Variants in LINGO2 observed in about 807,000 individuals in gnomAD.
LINGO2 encodes leucine rich repeat and Ig domain containing 2.
LINGO2 carries 14 observed loss-of-function variants against 30.6 expected under a neutral mutation model. The observed-to-expected ratio is 0.46, with a 90% CI of 0.30 to 0.72. LINGO2 has a LOEUF of 0.72. Among genes scored for constraint, LINGO2 ranks in the 30% least tolerant of loss-of-function variants. The probability of loss-of-function intolerance (pLI) is 0.07; values close to 1 mark genes in which losing one functional copy is unlikely to be tolerated. For synonymous variants in LINGO2, 317 were observed against 288.5 expected (o/e 1.10, Z -1.00); for missense variants, 729 against 751.7 (o/e 0.97, Z 0.35).
chr9:28,072,529 T>G (rs546753434), intron 4 of LINGO2, among the ~76,000 whole-genome samples: 1 of 152,346 alleles, frequency 6.6e-6, no homozygotes, highest in East Asian at 1.9e-4. Context: ...CCAAAAGGTT[T>G]AGTGCAATTT....
intron 4 of LINGO2, among the ~76,000 whole-genome samples, chr9:28,210,895 A>G (rs1026304929): frequency 2.0e-5 from 3 of 151,718 alleles, no homozygotes; most frequent in South Asian, 2.1e-4. Context: ...TAGCTCCAGA[A>G]AGACTATCAT....
At chr9:28,890,100 C>A in the LINGO2 span, among the ~76,000 whole-genome samples, 1 of 152,024 alleles carries the variant, frequency 6.6e-6, no homozygotes, top group African/African-American at 2.4e-5. Flanking sequence ...ACCATATGCC[C>A]TTGTAAGAGG....
chr9:28,314,036 G>A (rs1307511632), intron 3 of LINGO2, among the ~76,000 whole-genome samples: 3 of 152,052 alleles, frequency 2.0e-5, no homozygotes, highest in African/African-American at 4.8e-5. Flanking sequence ...CGGGGTTCCC[G>A]CCATTCTCCT....
intron 1 of LINGO2, among the ~76,000 whole-genome samples, chr9:28,616,390 T>C (rs1826132787): frequency 6.7e-6 from 1 of 149,072 alleles, no homozygotes; most frequent in African/African-American, 2.6e-5. Context: ...CTTTGAGCTA[T>C]ATAGCTGACC....
At chr9:28,736,570 C>A in the LINGO2 span, among the ~76,000 whole-genome samples, 3 of 152,046 alleles carry the variant, frequency 2.0e-5, no homozygotes, top group African/African-American at 7.2e-5. Context: ...GCAGGCTGAT[C>A]GCCTGAGGTC....
At chr9:29,119,909 G>A in the LINGO2 span, among the ~76,000 whole-genome samples, 16 of 152,060 alleles carry the variant, frequency 1.1e-4, no homozygotes, top group Non-Finnish European at 1.5e-4. Context: ...AACTTTATAT[G>A]TATATTTTTA....
At chr9:28,251,263 T>G (rs1319022855) in intron 4 of LINGO2, among the ~76,000 whole-genome samples, 1 of 152,128 alleles carries the variant, frequency 6.6e-6, no homozygotes, top group Non-Finnish European at 1.5e-5. Flanking sequence ...AGAAGCTATC[T>G]TTGAAATGTA....
chr9:29,083,873 C>T, the LINGO2 span, among the ~76,000 whole-genome samples: 1 of 151,948 alleles, frequency 6.6e-6, no homozygotes, highest in Non-Finnish European at 1.5e-5. Flanking sequence ...AAAGGATCAG[C>T]CATAATATTA....
chr9:28,068,068 T>G (rs923351141), intron 4 of LINGO2, among the ~76,000 whole-genome samples: 2 of 152,202 alleles, frequency 1.3e-5, no homozygotes, highest in African/African-American at 4.8e-5. Flanking sequence ...AGTCTCTGTC[T>G]TCTCTACAGT....
intron 4 of LINGO2, among the ~76,000 whole-genome samples, chr9:28,133,565 G>A (rs1827434620): frequency 1.3e-5 from 2 of 152,100 alleles, no homozygotes. Flanking sequence ...CACACTAAGA[G>A]TGAAATTTTG....
chr9:28,939,870 T>A, the LINGO2 span, among the ~76,000 whole-genome samples: 1 of 152,176 alleles, frequency 6.6e-6, no homozygotes, highest in Non-Finnish European at 1.5e-5. Context: ...CCTGTAGTCC[T>A]CTATTACCCA....
At chr9:28,657,705 T>C (rs148624849) in intron 1 of LINGO2, among the ~76,000 whole-genome samples, 285 of 152,184 alleles carry the variant, frequency 1.9e-3, no homozygotes, top group African/African-American at 6.5e-3. Context: ...GAACCAGTTA[T>C]TGGTTTTGTT....
At chr9:28,020,557 AAAACAAAACAAAAC>A (rs200623891) in intron 4 of LINGO2, among the ~76,000 whole-genome samples, 4,329 of 145,248 alleles carry the variant, frequency 0.03, 90 homozygotes, top group East Asian at 0.065. Context: ...AAAACAAAAC[AAAACAAAACAAAAC>A]AAACAAAACA....
At chr9:28,192,715 A>T (rs1203495005) in intron 4 of LINGO2, among the ~76,000 whole-genome samples, 2 of 152,192 alleles carry the variant, frequency 1.3e-5, no homozygotes, top group African/African-American at 4.8e-5. Flanking sequence ...TAGACACTTT[A>T]TGCAAAATGC....
At chr9:29,105,311 T>G in the LINGO2 span, among the ~76,000 whole-genome samples, 2 of 152,186 alleles carry the variant, frequency 1.3e-5, no homozygotes, top group Non-Finnish European at 2.9e-5. Context: ...CCAGTCAAGA[T>G]GCAACCAAGC....
chr9:28,426,340 C>T lies in LINGO2; in HGVS notation c.-279+49600G>A, dbSNP rs181347806. 1.8e-3 allele frequency among the ~76,000 whole-genome samples: 269 copies of T among 151,994 alleles called. 1 individual carries two copies. Among genetic ancestry groups the T allele is most frequent in the African/African-American group, 5.9e-3 (243 of 41,492 alleles). On this transcript the variant is annotated intron_variant, in intron 2 of 5. Coordinates refer to ENST00000379992, the Ensembl canonical transcript of LINGO2. ...TACATGTACTGAAGTAGACATAGGACGTGTAATTCCAGAACTAATCTCATA... is the reference window on the plus strand; with the variant it reads ...TACATGTACTGAAGTAGACATAGGATGTGTAATTCCAGAACTAATCTCATA...
the LINGO2 span, among the ~76,000 whole-genome samples, chr9:29,049,523 T>C: frequency 6.6e-6 from 1 of 152,160 alleles, no homozygotes; most frequent in East Asian, 1.9e-4. Context: ...CAGCACTGTT[T>C]ACAACTAAGA....
chr9:28,968,533 T>C, the LINGO2 span, among the ~76,000 whole-genome samples: 1 of 152,134 alleles, frequency 6.6e-6, no homozygotes, highest in Non-Finnish European at 1.5e-5. Context: ...AAGGTAAAAA[T>C]AATGTTACAC....
At chr9:28,781,315 G>A in the LINGO2 span, among the ~76,000 whole-genome samples, 6 of 152,078 alleles carry the variant, frequency 3.9e-5, no homozygotes, top group African/African-American at 1.4e-4. Context: ...TCTAGATAGG[G>A]TTGGGGGGTT....
Sources: gnomAD v4.1 joint callset for allele counts (sites outside exome capture counted in the v4.1 genomes callset) on GRCh38, gnomAD v4.1.1 for gene constraint, MANE v1.5 for transcripts, NCBI Gene and HGNC (gene_info 2026-07-23, HGNC 2026-07-21) for gene names.